Variants in COL24A1 observed in about 807,000 individuals in gnomAD.
The protein encoded by COL24A1 is collagen type XXIV alpha 1 chain, also known as collagen alpha-1(XXIV) chain.
In COL24A1, 224 loss-of-function variants were observed where a neutral mutation model predicts 253.9. The observed-to-expected ratio is 0.88, with a 90% CI of 0.79 to 0.99. The LOEUF (loss-of-function observed/expected upper bound fraction) is 0.99, where lower values mean the gene tolerates loss of function less well. Among genes scored for constraint, COL24A1 ranks in the 50% least tolerant of loss-of-function variants. The probability of loss-of-function intolerance (pLI) is 0.00; values close to 1 mark genes in which losing one functional copy is unlikely to be tolerated. For missense variants in COL24A1, 2,131 were observed against 2,068.5 expected, an observed-to-expected ratio of 1.03 and a Z score of -0.59; for synonymous variants, 685 against 673.7, an observed-to-expected ratio of 1.02 and a Z score of -0.26.
At chr1:86,096,314 C>T (rs1041783597) in intron 5 of COL24A1, among the ~76,000 whole-genome samples, 1 of 152,068 alleles carries the variant, frequency 6.6e-6, no homozygotes, top group Admixed American at 6.6e-5. Context: ...TAGGAATGAA[C>T]TAAATTGTGA....
intron 28 of COL24A1, among the ~76,000 whole-genome samples, chr1:85,899,468 G>T (rs1684066611): frequency 6.6e-6 from 1 of 152,130 alleles, no homozygotes; most frequent in Non-Finnish European, 1.5e-5. Flanking sequence ...AGGGTGGAGA[G>T]GGAGGAGTAG....
chr1:85,982,899 T>A (rs1693388717), intron 20 of COL24A1, among the ~76,000 whole-genome samples: 1 of 152,014 alleles, frequency 6.6e-6, no homozygotes, highest in Non-Finnish European at 1.5e-5. Context: ...AATCTGTGTA[T>A]AAAATCCTGT....
At chr1:86,100,166 C>CCT (rs35654940) in intron 5 of COL24A1, among the ~76,000 whole-genome samples, 2,887 of 152,210 alleles carry the variant, frequency 0.019, 80 homozygotes, top group East Asian at 0.098. Flanking sequence ...GCTCCTACTA[C>CCT]CTCTCTGATC....
At chr1:85,819,829 C>T (rs989015084) in intron 45 of COL24A1, among the ~76,000 whole-genome samples, 1 of 151,314 alleles carries the variant, frequency 6.6e-6, no homozygotes, top group African/African-American at 2.4e-5. Context: ...TCATCCTACC[C>T]TTGAGTCTTT....
At chr1:86,056,879 AAAC>A (rs896188739) in intron 10 of COL24A1, among the ~76,000 whole-genome samples, 20 of 152,084 alleles carry the variant, frequency 1.3e-4, no homozygotes, top group African/African-American at 4.3e-4. Context: ...CACAAAACAA[AAAC>A]AACAACAACA....
At chr1:85,980,437 C>T (rs1693137432) in intron 20 of COL24A1, among the ~76,000 whole-genome samples, 1 of 152,100 alleles carries the variant, frequency 6.6e-6, no homozygotes, top group South Asian at 2.1e-4. Flanking sequence ...ACCCTAAAGT[C>T]TCATCCGAAA....
At chr1:85,925,368 A>T (rs1166649852) in intron 24 of COL24A1, among the ~76,000 whole-genome samples, 1 of 152,198 alleles carries the variant, frequency 6.6e-6, no homozygotes, top group Admixed American at 6.5e-5. Flanking sequence ...TTGCCAAGTC[A>T]ATCCTAAGCC....
At chr1:85,852,097 T>G (rs1479254171) in intron 37 of COL24A1, among the ~76,000 whole-genome samples, 2 of 152,160 alleles carry the variant, frequency 1.3e-5, no homozygotes, top group Non-Finnish European at 2.9e-5. Context: ...TTGCGGGGTG[T>G]GTGTTTGTGT....
chr1:85,874,088 A>C (rs944250843), intron 35 of COL24A1, among the ~76,000 whole-genome samples: 6 of 152,210 alleles, frequency 3.9e-5, no homozygotes, highest in Non-Finnish European at 8.8e-5. Context: ...CTTTTAGTGA[A>C]TAAATGTCTG....
intron 42 of COL24A1, among the ~76,000 whole-genome samples, chr1:85,839,453 G>T (rs1676370291): frequency 6.6e-6 from 1 of 151,940 alleles, no homozygotes; most frequent in South Asian, 2.1e-4. Flanking sequence ...GCTGGGTGTG[G>T]TAGCTCATGC....
chr1:86,136,925 A>G (rs1650345222), intron 2 of COL24A1, among the ~76,000 whole-genome samples: 1 of 152,070 alleles, frequency 6.6e-6, no homozygotes, highest in Non-Finnish European at 1.5e-5. Flanking sequence ...AGATCTTAAG[A>G]GAAGAGAGAT....
chr1:85,748,453 C>G (rs1665521613), intron 55 of COL24A1, among the ~76,000 whole-genome samples: 1 of 152,298 alleles, frequency 6.6e-6, no homozygotes, highest in East Asian at 1.9e-4. Flanking sequence ...GAATAATAGC[C>G]TTCCAGAATT....
At chr1:85,862,147 G>T (rs758758368) in intron 37 of COL24A1, among the ~76,000 whole-genome samples, 1 of 151,936 alleles carries the variant, frequency 6.6e-6, no homozygotes, top group Non-Finnish European at 1.5e-5. Flanking sequence ...TTCCATTATT[G>T]CATTATCACA....
rs1663360978 is a variant in COL24A1, at chr1:85,730,446, T to A, written c.*100A>T. On this transcript the variant is annotated 3_prime_UTR_variant, in exon 60 of 60. Coordinates refer to ENST00000370571, the MANE Select transcript of COL24A1 (RefSeq NM_152890.7). ...ATTCTTTAAGATTTAGCCAATGCTTTATTACATGCATTTCATAATGACTGT... is the reference window on the plus strand; with the variant it reads ...ATTCTTTAAGATTTAGCCAATGCTTAATTACATGCATTTCATAATGACTGT... The A allele has an allele frequency of 7.8e-7, 1 of 1,285,038 alleles. No individual in the cohort carries two copies. The highest frequency in any genetic ancestry group is 1.1e-6 in the Non-Finnish European group (1 of 926,354). The allele number at this position is 1,285,038 out of a possible 1,614,324, so 79.6% of individuals were successfully genotyped here. A position where few individuals can be genotyped will look rare whatever the true frequency, so the allele number is the denominator to read the frequency against.
chr1:85,845,303 TA>T (rs1045635504), intron 39 of COL24A1, among the ~76,000 whole-genome samples: 14 of 151,984 alleles, frequency 9.2e-5, no homozygotes, highest in African/African-American at 3.4e-4. Context: ...AAGGATTTGA[TA>T]AAATTCAACA....
At chr1:85,922,825 C>T (rs2103021592) in intron 24 of COL24A1, among the ~76,000 whole-genome samples, 1 of 152,234 alleles carries the variant, frequency 6.6e-6, no homozygotes, top group Non-Finnish European at 1.5e-5. Flanking sequence ...CAATATTAAC[C>T]TTAAATGTAA....
chr1:85,899,026 G>A (rs541529578), intron 28 of COL24A1, among the ~76,000 whole-genome samples: 79 of 152,228 alleles, frequency 5.2e-4, no homozygotes, highest in Admixed American at 4.4e-3. Context: ...AGCCGAAGAT[G>A]AAAAAAGAAC....
At chr1:85,731,825 C>G (rs867250753) in intron 59 of COL24A1, among the ~76,000 whole-genome samples, 4 of 152,240 alleles carry the variant, frequency 2.6e-5, no homozygotes, top group Middle Eastern at 6.8e-3. Context: ...TCAGGGAAAG[C>G]TTCATGAAAA....
chr1:85,781,157 T>G, intron 52 of COL24A1, 63 bp downstream of exon 52: 2 of 1,177,430 alleles, frequency 1.7e-6, no homozygotes, highest in Non-Finnish European at 2.4e-6. Flanking sequence ...CTTTGTAGAA[T>G]ATTCTAGAAA....
Sources: allele counts gnomAD v4.1 joint callset (sites outside exome capture counted in the v4.1 genomes callset), GRCh38; gene constraint gnomAD v4.1.1; transcripts MANE v1.5; gene names NCBI Gene and HGNC (gene_info 2026-07-23, HGNC 2026-07-21).